Variants in ADAMTS17 observed in about 807,000 individuals in gnomAD.
ADAMTS17 encodes the protein ADAM metallopeptidase with thrombospondin type 1 motif 17, also known as A disintegrin and metalloproteinase with thrombospondin motifs 17.
Under a neutral mutation model 141.5 loss-of-function variants are expected in ADAMTS17, and 113 were observed. The observed-to-expected ratio is 0.80, with a 90% confidence interval of 0.69 to 0.93. The LOEUF is 0.93. Ranked by LOEUF, ADAMTS17 falls within the 40% of genes least tolerant of loss-of-function variation. The pLI is 0.00. For missense variants in ADAMTS17, 1,659 were observed against 1,517.9 expected, an observed-to-expected ratio of 1.09 and a Z score of -1.54; for synonymous variants, 768 against 630.6, an observed-to-expected ratio of 1.22 and a Z score of -3.27.
At chr15:100,053,418 C>A (rs1261511157) in intron 16 of ADAMTS17, among the ~76,000 whole-genome samples, 1 of 152,152 alleles carries the variant, frequency 6.6e-6, no homozygotes, top group African/African-American at 2.4e-5. Context: ...TTCCCAAATG[C>A]TCGTTGCAAG....
intron 20 of ADAMTS17, among the ~76,000 whole-genome samples, chr15:99,985,950 ACCTGC>A (rs2060576042): frequency 6.6e-6 from 1 of 152,180 alleles, no homozygotes; most frequent in African/African-American, 2.4e-5. Context: ...CTGACTTCAT[ACCTGC>A]CCAGTGGGAC....
At position 99,993,031 on chromosome 15, in the gene ADAMTS17, C is replaced by T. The variant is rs182207676; in HGVS notation, c.2949+17G>A. Reference sequence around the variant, plus strand: ...TGCACTGCGGCACGGAGAGAAATGCCAGCAGGCTGCTCTCACCGTAGACCA... The same window carrying T: ...TGCACTGCGGCACGGAGAGAAATGCTAGCAGGCTGCTCTCACCGTAGACCA... On this transcript the variant is annotated intron_variant, in intron 20 of 21. Coordinates refer to ENST00000268070, the MANE Select transcript of ADAMTS17 (RefSeq NM_139057.4). The surrounding 1 kb of genome is among the most constrained non-coding windows in gnomAD (Gnocchi z 4.3). The T allele has an allele frequency of 2.5e-4, 396 of 1,614,038 alleles. 2 individuals are homozygous for T. In the East Asian group the frequency reaches 7.6e-3, roughly 31 times the overall value.
chr15:100,029,553 C>T lies in ADAMTS17; in HGVS notation c.2591+19304G>A, dbSNP rs547850527. Among the ~76,000 whole-genome samples the T allele has an allele frequency of 1.4e-4, 21 of 152,294 alleles. No individual in the cohort carries two copies. The South Asian group carries it at 3.9e-3, about 29-fold the overall frequency. On this transcript the variant is annotated intron_variant, in intron 18 of 21. Coordinates refer to ENST00000268070, the MANE Select transcript of ADAMTS17 (RefSeq NM_139057.4). ...AGTCACCAGAGCTGCTGCCATGCAA[C>T]GCCTGGAGCCTCCTGCAAAGTCCTG...
intron 15 of ADAMTS17, among the ~76,000 whole-genome samples, chr15:100,060,105 G>A (rs538344431): frequency 2.6e-5 from 4 of 152,150 alleles, no homozygotes; most frequent in African/African-American, 2.4e-5. Context: ...GAAGAACAGG[G>A]GACTCCCCCA....
chr15:99,976,074 T>G lies in ADAMTS17; in HGVS notation c.3098A>C (p.Asn1033Thr), dbSNP rs1233061415. The G allele has an allele frequency of 1.9e-6, 3 of 1,551,454 alleles. No homozygotes were observed. Among genetic ancestry groups the G allele is most frequent in the African/African-American group, 2.7e-5 (2 of 73,056 alleles). ...GCGGGGGGAGGTGATGGTGTTGGCG[T>G]TGATCCTGTCGTTGCAGACCTCCTG... ...CYQEVCNDRI[N>T]ANTITSPRLA... The change falls in exon 21 of 22, where the codon AAC (asparagine) becomes ACC (threonine). Residue 1033 changes from asparagine to threonine, a missense_variant. Asn to Thr is a moderately conservative substitution (Grantham distance 65, BLOSUM62 0). Coordinates refer to ENST00000268070, the MANE Select transcript of ADAMTS17 (RefSeq NM_139057.4).
chr15:100,097,651 G>A (rs1271879018), intron 14 of ADAMTS17, among the ~76,000 whole-genome samples: 2 of 152,218 alleles, frequency 1.3e-5, no homozygotes, highest in African/African-American at 2.4e-5. Flanking sequence ...TCGGCCTCAT[G>A]GGGAGGGCTG....
chr15:100,107,682 C>G (rs1406152515), intron 14 of ADAMTS17, among the ~76,000 whole-genome samples: 1 of 152,108 alleles, frequency 6.6e-6, no homozygotes, highest in African/African-American at 2.4e-5. Context: ...AGAGAGCTCA[C>G]CAGCCCCTTC....
chr15:100,239,064 TG>T (rs2042747403), intron 7 of ADAMTS17, among the ~76,000 whole-genome samples: 2 of 152,224 alleles, frequency 1.3e-5, no homozygotes, highest in African/African-American at 2.4e-5. Flanking sequence ...CACTCCAGCC[TG>T]GGCAACAGAG....
chr15:100,116,154 A>C (rs1404139666), intron 13 of ADAMTS17, among the ~76,000 whole-genome samples: 5 of 151,350 alleles, frequency 3.3e-5, no homozygotes, highest in Non-Finnish European at 7.4e-5. Flanking sequence ...AAAAAAAAAA[A>C]AAAACCCAAC....
chr15:100,240,747 G>C (rs2042804628), intron 7 of ADAMTS17, among the ~76,000 whole-genome samples: 1 of 152,194 alleles, frequency 6.6e-6, no homozygotes, highest in Admixed American at 6.5e-5. Context: ...ATAAGGCCAA[G>C]TTCTAATCAC....
At chr15:100,037,172 C>T (rs2030806387) in intron 18 of ADAMTS17, among the ~76,000 whole-genome samples, 1 of 152,152 alleles carries the variant, frequency 6.6e-6, no homozygotes, top group African/African-American at 2.4e-5. Context: ...GTATTCCCAT[C>T]CCAGAGTATG....
chr15:100,196,379 A>C (rs1342776644), intron 8 of ADAMTS17, among the ~76,000 whole-genome samples: 1 of 152,248 alleles, frequency 6.6e-6, no homozygotes, highest in African/African-American at 2.4e-5. Flanking sequence ...AATCATGTGA[A>C]TCTGTGCAAC....
At chr15:100,114,158 CTTTTT>C (rs10712411) in intron 13 of ADAMTS17, among the ~76,000 whole-genome samples, 13 of 142,702 alleles carry the variant, frequency 9.1e-5, no homozygotes, top group African/African-American at 1.6e-4. Flanking sequence ...ATTCTTTCTT[CTTTTT>C]TTTTTTTTTT....
At chr15:100,142,041 T>G (rs1175870926) in intron 10 of ADAMTS17, among the ~76,000 whole-genome samples, 2 of 152,216 alleles carry the variant, frequency 1.3e-5, no homozygotes, top group Non-Finnish European at 2.9e-5. Context: ...CTAAGCTGGA[T>G]GGAAGAATCT....
chr15:100,053,827 C>T (rs1567093453), intron 16 of ADAMTS17, 70 bp downstream of exon 16: 14 of 1,613,108 alleles, frequency 8.7e-6, no homozygotes, highest in Non-Finnish European at 1.2e-5. Context: ...CAGAAGTAAA[C>T]TGGAAAGTAA....
chr15:100,087,758 T>A (rs546973632), intron 15 of ADAMTS17, among the ~76,000 whole-genome samples: 1 of 152,218 alleles, frequency 6.6e-6, no homozygotes, highest in South Asian at 2.1e-4. Context: ...TCTCAATAGA[T>A]GCAGAAAAGG....
chr15:99,999,225 G>A (rs945536651), intron 18 of ADAMTS17, among the ~76,000 whole-genome samples: 2 of 152,166 alleles, frequency 1.3e-5, no homozygotes, highest in African/African-American at 4.8e-5. Flanking sequence ...GAGGGGGGCA[G>A]ACCATATATA....
rs911856960 is a variant in ADAMTS17, at chr15:100,301,611, G to A, written c.617-20210C>T. 9.9e-5 allele frequency among the ~76,000 whole-genome samples: 15 copies of A among 151,778 alleles called. 1 individual carries two copies. The highest frequency in any genetic ancestry group is 2.2e-4 in the African/African-American group (9 of 41,270). ...CTCCCAAAGCGCTGGGATTACAGGCGTGAGTCACCACGCCCAGCTTATGTA... is the reference window on the plus strand; with the variant it reads ...CTCCCAAAGCGCTGGGATTACAGGCATGAGTCACCACGCCCAGCTTATGTA... On this transcript the variant is annotated intron_variant, in intron 3 of 21. Transcript: ENST00000268070.
intron 15 of ADAMTS17, 117 bp from the exon 16 acceptor site, chr15:100,054,171 A>G (rs894975624): frequency 5.0e-6 from 6 of 1,194,674 alleles, no homozygotes; most frequent in Admixed American, 3.4e-5. Context: ...CCACAGGGGG[A>G]AGGAGGGAGG....
Sources: gnomAD v4.1 joint callset for allele counts (sites outside exome capture counted in the v4.1 genomes callset) on GRCh38, gnomAD v4.1.1 for gene constraint, Gnocchi (gnomAD v3.1) non-coding constraint, MANE v1.5 for transcripts, NCBI Gene and HGNC (gene_info 2026-07-23, HGNC 2026-07-21) for gene names.